The following BARD1 variants were observed in gnomAD, a reference collection of about 807,000 sequenced individuals.
BARD1 encodes BRCA1-associated RING domain protein 1.
A neutral mutation model predicts 77.0 loss-of-function variants in BARD1; 73 were observed. The observed-to-expected ratio is 0.95, with a 90% confidence interval of 0.79 to 1.15. The LOEUF is 1.15. BARD1 is among the 50% of genes most tolerant of loss of function. BARD1 has a pLI of 0.00. For synonymous variants in BARD1, 384 were observed against 338.0 expected (o/e 1.14, Z -1.49); for missense variants, 993 against 938.8 (o/e 1.06, Z -0.75).
chr2:214,766,598 T>C (rs1437247832), intron 6 of BARD1, among the ~76,000 whole-genome samples: 1 of 144,084 alleles, frequency 6.9e-6, no homozygotes, highest in South Asian at 2.3e-4. Context: ...TTGCTATCCA[T>C]GGGGAATTGG....
rs969975528 is a variant in BARD1, at chr2:214,809,636, G to A, written c.-67C>T. 2 of 1,513,060 alleles carry A rather than the reference G, an allele frequency of 1.3e-6. No homozygotes were observed. The highest frequency in any genetic ancestry group is 1.8e-6 in the Non-Finnish European group (2 of 1,129,030). 93.7% of individuals were successfully genotyped at this position (1,513,060 alleles called of 1,614,324 possible). Reference sequence around the variant, plus strand: ...CAAGGAAGCCTCGGGAAACCACAGGGAAGCTGCAGGCCAGCGACTCGAAAC... The same window carrying A: ...CAAGGAAGCCTCGGGAAACCACAGGAAAGCTGCAGGCCAGCGACTCGAAAC... On this transcript the variant is annotated 5_prime_UTR_variant, in exon 1 of 11. Coordinates refer to ENST00000260947, the MANE Select transcript of BARD1 (RefSeq NM_000465.4).
At chr2:214,765,115 T>C (rs1303342738) in intron 6 of BARD1, among the ~76,000 whole-genome samples, 3 of 152,208 alleles carry the variant, frequency 2.0e-5, no homozygotes, top group Admixed American at 6.5e-5. Flanking sequence ...TTGGTAGCAA[T>C]AGCTAATTTT....
At position 214,792,931 on chromosome 2, in the gene BARD1, A is replaced by G. The variant is rs532478644; in HGVS notation, c.216-486T>C. ...GACAATTTTAAAACCTGTAGACTCA[A>G]TTACCTGGGTTATCTAAGGACTAAA... On this transcript the variant is annotated intron_variant, in intron 2 of 10. Transcript: ENST00000260947. Among the ~76,000 whole-genome samples the G allele has an allele frequency of 2.0e-5, 3 of 152,322 alleles. No individual in the cohort carries two copies. In the South Asian group the frequency reaches 6.2e-4, roughly 32 times the overall value.
chr2:214,755,617 T>C (rs1693660248), intron 6 of BARD1, among the ~76,000 whole-genome samples: 1 of 152,128 alleles, frequency 6.6e-6, no homozygotes, highest in African/African-American at 2.4e-5. Flanking sequence ...TGGAATATGG[T>C]GGTTAACTGT....
intron 5 of BARD1, 48 bp downstream of exon 5, chr2:214,769,184 A>G: frequency 1.3e-6 from 2 of 1,490,872 alleles, no homozygotes; most frequent in Non-Finnish European, 1.9e-6. Flanking sequence ...TATAAACTAT[A>G]AGAACTGTAA....
intron 9 of BARD1, among the ~76,000 whole-genome samples, chr2:214,744,233 G>A (rs949194531): frequency 4.6e-5 from 7 of 152,110 alleles, no homozygotes; most frequent in African/African-American, 1.4e-4. Flanking sequence ...AGCAAGAAGA[G>A]GGGAACAGGT....
chr2:214,744,062 A>G (rs1692981124), intron 9 of BARD1, among the ~76,000 whole-genome samples: 1 of 152,226 alleles, frequency 6.6e-6, no homozygotes, highest in Non-Finnish European at 1.5e-5. Context: ...TATGTTAGCC[A>G]TAGTATCAAA....
At chr2:214,792,565 T>C (rs764421722) in intron 2 of BARD1, 120 bp from the exon 3 acceptor site, 14 of 957,306 alleles carry the variant, frequency 1.5e-5, no homozygotes, top group East Asian at 2.6e-5. Flanking sequence ...CAATGGTCAA[T>C]TGTAATATCC....
At chr2:214,797,004 ATTG>A in intron 2 of BARD1, 54 bp downstream of exon 2, 1 of 1,294,090 alleles carries the variant, frequency 7.7e-7, no homozygotes, top group South Asian at 1.2e-5. Flanking sequence ...AGATTACATG[ATTG>A]TTATCTAGTA....
chr2:214,772,271 C>G (rs774228320), intron 4 of BARD1, among the ~76,000 whole-genome samples: 1 of 152,074 alleles, frequency 6.6e-6, no homozygotes, highest in African/African-American at 2.4e-5. Flanking sequence ...ATATTCATAA[C>G]GGTTACAAAT....
intron 1 of BARD1, among the ~76,000 whole-genome samples, chr2:214,799,394 T>C (rs951683222): frequency 1.7e-4 from 26 of 152,224 alleles, no homozygotes; most frequent in African/African-American, 6.0e-4. Flanking sequence ...TTCAATATTC[T>C]ATAAATAAAC....
At chr2:214,738,653 A>AT (rs1692672975) in intron 9 of BARD1, among the ~76,000 whole-genome samples, 1 of 152,158 alleles carries the variant, frequency 6.6e-6, no homozygotes, top group South Asian at 2.1e-4. Flanking sequence ...ATGCAAGGAA[A>AT]TTAAAAAAAG....
At position 214,725,940 on chromosome 2, in the gene BARD1, C is replaced by T. The variant is rs906845617; in HGVS notation, c.*2736G>A. The T allele has an allele frequency of 8.8e-6, 2 of 226,628 alleles. No individual in the cohort carries two copies. Among genetic ancestry groups the T allele is most frequent in the African/African-American group, 4.5e-5 (2 of 44,898 alleles). The allele number at this position is 226,628 out of a possible 1,614,324, so 14.0% of individuals were successfully genotyped here. On this transcript the variant is annotated 3_prime_UTR_variant, in exon 11 of 11. Coordinates refer to ENST00000260947, the MANE Select transcript of BARD1 (RefSeq NM_000465.4). Reference sequence around the variant, plus strand: ...AACAGCTAATGTGGCCCCACTCTCACCTGTGAATCGTCTTATTCCCACAGG... The same window carrying T: ...AACAGCTAATGTGGCCCCACTCTCATCTGTGAATCGTCTTATTCCCACAGG...
rs1157457367 is a variant in BARD1 at position 214,727,183 on chromosome 2, T to C, written c.*1493A>G. On this transcript the variant is annotated 3_prime_UTR_variant, in exon 11 of 11. Transcript: ENST00000260947. Reference sequence around the variant, plus strand: ...CAAGGTCAGGGTCAAAAGGTTATTATTTTGTTCATATATTTCTTGATATGA... The same window carrying C: ...CAAGGTCAGGGTCAAAAGGTTATTACTTTGTTCATATATTTCTTGATATGA... 9.0e-6 allele frequency: 2 copies of C among 223,288 alleles called. No individual in the cohort carries two copies. Among genetic ancestry groups the C allele is most frequent in the Non-Finnish European group, 1.8e-5 (2 of 111,806 alleles). 13.8% of individuals were successfully genotyped at this position (223,288 alleles called of 1,614,324 possible). A position where few individuals can be genotyped will look rare whatever the true frequency, so the allele number is the denominator to read the frequency against.
intron 6 of BARD1, among the ~76,000 whole-genome samples, chr2:214,762,318 A>G (rs193190681): frequency 9.8e-5 from 15 of 152,300 alleles, no homozygotes; most frequent in Non-Finnish European, 1.6e-4. Flanking sequence ...AAATATTCCA[A>G]AATCTGAAAG....
At chr2:214,759,707 A>C (rs773428427) in intron 6 of BARD1, among the ~76,000 whole-genome samples, 1 of 152,296 alleles carries the variant, frequency 6.6e-6, no homozygotes, top group East Asian at 1.9e-4. Flanking sequence ...CCATAATTAT[A>C]AAGATTTAGG....
intron 7 of BARD1, among the ~76,000 whole-genome samples, chr2:214,752,089 C>T (rs1015212830): frequency 1.7e-4 from 26 of 152,088 alleles, no homozygotes; most frequent in Non-Finnish European, 2.2e-4. Context: ...ACAACATCTT[C>T]GAAACACTCA....
chr2:214,739,465 G>T (rs2106006679), intron 9 of BARD1, among the ~76,000 whole-genome samples: 1 of 152,120 alleles, frequency 6.6e-6, no homozygotes, highest in East Asian at 1.9e-4. Context: ...TTTTGCAAAT[G>T]ATTATATTTT....
chr2:214,769,233 A>G lies in BARD1; in HGVS notation c.1394T>C (p.Leu465Ser), dbSNP rs1370053894. 5 of 1,609,808 alleles carry G rather than the reference A, an allele frequency of 3.1e-6. No homozygotes were observed. Among genetic ancestry groups the G allele is most frequent in the Non-Finnish European group, 4.3e-6 (5 of 1,176,094 alleles). The change falls in exon 5 of 11, where the codon TTG becomes TCG. Residue 465 changes from leucine to serine, a missense_variant and splice_region_variant. Physicochemically the swap from Leu to Ser is moderately radical, Grantham distance 145. Coordinates refer to ENST00000260947, the MANE Select transcript of BARD1 (RefSeq NM_000465.4). ...TGAGAATAAAAACCAGACAACTACC[A>G]ATGGTGTCCATCCAGCATGGTCTTT... is the stretch of plus-strand genomic sequence containing the variant. Reference protein sequence around the residue: ...NVKDHAGWTPLHEACNHGHLK... With the variant: ...NVKDHAGWTPSHEACNHGHLK...
Sources: gnomAD v4.1 joint callset for allele counts (sites outside exome capture counted in the v4.1 genomes callset) on GRCh38, gnomAD v4.1.1 for gene constraint, MANE v1.5 for transcripts, NCBI Gene and HGNC (gene_info 2026-07-23, HGNC 2026-07-21) for gene names.